ANGPT1: variants seen among roughly 807,000 people sequenced by gnomAD.
ANGPT1 encodes angiopoietin 1, also known as angiopoietin-1.
In ANGPT1, 17 loss-of-function variants were observed where a neutral mutation model predicts 62.2. That is an observed-to-expected ratio of 0.27 (90% CI 0.19 to 0.41). The LOEUF is 0.41. Among genes scored for constraint, ANGPT1 ranks in the 10% least tolerant of loss-of-function variants. The probability of loss-of-function intolerance (pLI) is 1.00; values close to 1 mark genes in which losing one functional copy is unlikely to be tolerated. For synonymous variants in ANGPT1, 199 were observed against 198.9 expected, an observed-to-expected ratio of 1.00 and a Z score of 0.00; for missense variants, 478 against 594.9, an observed-to-expected ratio of 0.80 and a Z score of 2.04.
chr8:107,439,732 C>T (rs1220127872), intron 1 of ANGPT1, among the ~76,000 whole-genome samples: 1 of 152,108 alleles, frequency 6.6e-6, no homozygotes, highest in Non-Finnish European at 1.5e-5. Context: ...TATTGCTGCT[C>T]AAAAGGATTT....
intron 1 of ANGPT1, among the ~76,000 whole-genome samples, chr8:107,455,637 A>ACAAAAAAAT (rs1811900455): frequency 6.6e-6 from 1 of 152,072 alleles, no homozygotes; most frequent in Non-Finnish European, 1.5e-5. Context: ...GACTTTATTA[A>ACAAAAAAAT]CAAAAAAATA....
intron 1 of ANGPT1, among the ~76,000 whole-genome samples, chr8:107,452,766 A>T (rs1811813335): frequency 6.6e-6 from 1 of 151,998 alleles, no homozygotes; most frequent in Non-Finnish European, 1.5e-5. Flanking sequence ...CAAAGTGGAG[A>T]TAATAATTTT....
At chr8:107,334,670 C>A (rs1350157056) in intron 3 of ANGPT1, among the ~76,000 whole-genome samples, 1 of 152,128 alleles carries the variant, frequency 6.6e-6, no homozygotes, top group Non-Finnish European at 1.5e-5. Flanking sequence ...CAAATAGCAT[C>A]TTGAAATATG....
At chr8:107,295,140 C>G (rs992134452) in intron 5 of ANGPT1, 2 of 152,186 alleles carry the variant, frequency 1.3e-5, no homozygotes, top group East Asian at 3.9e-4. Flanking sequence ...CCATGTACTT[C>G]CTCAGAGTGG....
chr8:107,457,240 A>G (rs1053880352), intron 1 of ANGPT1, among the ~76,000 whole-genome samples: 10 of 152,138 alleles, frequency 6.6e-5, no homozygotes, highest in Non-Finnish European at 1.5e-4. Context: ...CTCCTGTGTA[A>G]GATGCTCCCA....
At chr8:107,353,725 G>T (rs2130180298) in intron 1 of ANGPT1, among the ~76,000 whole-genome samples, 1 of 152,208 alleles carries the variant, frequency 6.6e-6, no homozygotes, top group Middle Eastern at 3.4e-3. Context: ...GCATATATGT[G>T]GTAAGTGTGT....
At chr8:107,476,394 T>C (rs538131634) in intron 1 of ANGPT1, among the ~76,000 whole-genome samples, 1 of 151,938 alleles carries the variant, frequency 6.6e-6, no homozygotes, top group East Asian at 1.9e-4. Context: ...ATGAGAACAC[T>C]TGGGCACAGG....
At chr8:107,463,017 C>G (rs1470188002) in intron 1 of ANGPT1, among the ~76,000 whole-genome samples, 1 of 152,068 alleles carries the variant, frequency 6.6e-6, no homozygotes. Context: ...AATCCCCTCC[C>G]CCGGTGCATG....
At chr8:107,315,484 C>T (rs991294925) in intron 4 of ANGPT1, among the ~76,000 whole-genome samples, 1 of 152,094 alleles carries the variant, frequency 6.6e-6, no homozygotes, top group Middle Eastern at 3.2e-3. Context: ...ATGTAGCATA[C>T]CAAACCTCTG....
At chr8:107,341,916 C>T (rs1815704541) in intron 2 of ANGPT1, among the ~76,000 whole-genome samples, 2 of 152,010 alleles carry the variant, frequency 1.3e-5, no homozygotes, top group Non-Finnish European at 2.9e-5. Flanking sequence ...ACAACTGCTA[C>T]CAAAATGGCT....
chr8:107,289,130 T>C (rs970591932), intron 6 of ANGPT1, among the ~76,000 whole-genome samples: 2 of 152,166 alleles, frequency 1.3e-5, no homozygotes, highest in Admixed American at 6.6e-5. Flanking sequence ...GTAACTCAGA[T>C]ACATTGTTAA....
intron 1 of ANGPT1, among the ~76,000 whole-genome samples, chr8:107,478,876 G>C (rs910114512): frequency 2.0e-5 from 3 of 152,016 alleles, no homozygotes; most frequent in East Asian, 3.9e-4. Context: ...CTGTCCCAGA[G>C]TTTGGTTCAT....
chr8:107,428,510 A>C (rs1811093167), intron 1 of ANGPT1, among the ~76,000 whole-genome samples: 1 of 152,130 alleles, frequency 6.6e-6, no homozygotes, highest in Non-Finnish European at 1.5e-5. Context: ...AGGTTTTCCT[A>C]AGGGTCTGTC....
At chr8:107,474,663 A>T (rs967642742) in intron 1 of ANGPT1, among the ~76,000 whole-genome samples, 3 of 152,220 alleles carry the variant, frequency 2.0e-5, no homozygotes, top group African/African-American at 4.8e-5. Context: ...TGCAGATGAC[A>T]TGATTGGATA....
intron 1 of ANGPT1, among the ~76,000 whole-genome samples, chr8:107,463,950 T>A (rs1262755609): frequency 6.6e-6 from 1 of 152,164 alleles, no homozygotes; most frequent in African/African-American, 2.4e-5. Context: ...AAAGTTAGAA[T>A]AATTATAATT....
At chr8:107,416,585 C>T (rs879670743) in intron 1 of ANGPT1, among the ~76,000 whole-genome samples, 1 of 152,092 alleles carries the variant, frequency 6.6e-6, no homozygotes, top group African/African-American at 2.4e-5. Context: ...CCTCATTGGA[C>T]AGGCAGGATT....
At chr8:107,390,774 C>T (rs1342992392) in intron 1 of ANGPT1, among the ~76,000 whole-genome samples, 1 of 152,046 alleles carries the variant, frequency 6.6e-6, no homozygotes, top group Non-Finnish European at 1.5e-5. Context: ...ACCATTATAC[C>T]CATTTTTCAG....
intron 1 of ANGPT1, among the ~76,000 whole-genome samples, chr8:107,397,436 G>A (rs938205501): frequency 8.2e-6 from 1 of 122,022 alleles, no homozygotes; most frequent in South Asian, 2.8e-4. Flanking sequence ...CCTCAAAAAT[G>A]TTGCTTGTGT....
intron 1 of ANGPT1, among the ~76,000 whole-genome samples, chr8:107,365,747 G>GA (rs1296082314): frequency 3.3e-5 from 5 of 151,694 alleles, no homozygotes; most frequent in East Asian, 1.9e-4. Context: ...TTCTTCTCAG[G>GA]AAAAAAACAT....
Sources: gnomAD v4.1 joint callset for allele counts (sites outside exome capture counted in the v4.1 genomes callset) on GRCh38, gnomAD v4.1.1 for gene constraint, MANE v1.5 for transcripts, NCBI Gene and HGNC (gene_info 2026-07-23, HGNC 2026-07-21) for gene names.